Variants in NEDD4L observed in about 807,000 individuals in gnomAD.
NEDD4L encodes the protein E3 ubiquitin-protein ligase NEDD4-like.
Under a neutral mutation model 148.9 loss-of-function variants are expected in NEDD4L, and 54 were observed. The ratio of observed to expected loss-of-function variants is 0.36; its 90% CI spans 0.29 to 0.45. NEDD4L has a LOEUF of 0.45. Among genes scored for constraint, NEDD4L ranks in the 20% least tolerant of loss-of-function variants. The pLI, the probability that NEDD4L is intolerant of heterozygous loss-of-function variation, is 1.00. For synonymous variants in NEDD4L, 433 were observed against 440.7 expected (o/e 0.98, Z 0.22); for missense variants, 856 against 1,233.8 (o/e 0.69, Z 4.59).
intron 2 of NEDD4L, among the ~76,000 whole-genome samples, chr18:58,180,854 G>A (rs1188113408): frequency 6.6e-6 from 1 of 152,214 alleles, no homozygotes; most frequent in Non-Finnish European, 1.5e-5. Flanking sequence ...GAAGGCAGGT[G>A]TACAGCCTCT....
At chr18:58,161,008 T>TTTTC (rs2036134353) in intron 1 of NEDD4L, among the ~76,000 whole-genome samples, 1 of 151,316 alleles carries the variant, frequency 6.6e-6, no homozygotes, top group Non-Finnish European at 1.5e-5. Context: ...ATAGGGTTGT[T>TTTTC]TTTCTTTCTT....
chr18:58,094,863 A>C (rs17064340), intron 1 of NEDD4L, among the ~76,000 whole-genome samples: 14,871 of 150,978 alleles, frequency 0.098, 885 homozygotes, highest in Admixed American at 0.16. Context: ...GTAGGCTGTA[A>C]GGCTTGATTG....
chr18:58,348,326 CT>C (rs771263533), intron 16 of NEDD4L, among the ~76,000 whole-genome samples: 1,177 of 88,658 alleles, frequency 0.013, 2 homozygotes, highest in Non-Finnish European at 0.018. Context: ...TCTTTTTTTT[CT>C]TTTTTTTTTT....
At chr18:58,275,473 A>G (rs1027490957) in intron 5 of NEDD4L, among the ~76,000 whole-genome samples, 2 of 152,220 alleles carry the variant, frequency 1.3e-5, no homozygotes, top group African/African-American at 2.4e-5. Context: ...TTACTAGACC[A>G]AAAAAGAAAA....
At chr18:58,260,996 C>T (rs902097288) in intron 5 of NEDD4L, among the ~76,000 whole-genome samples, 13 of 152,194 alleles carry the variant, frequency 8.5e-5, no homozygotes, top group Non-Finnish European at 4.4e-5. Context: ...GTACCTGATT[C>T]GTGAACCAGG....
At chr18:58,347,512 C>G (rs1240134685) in intron 16 of NEDD4L, among the ~76,000 whole-genome samples, 2 of 152,114 alleles carry the variant, frequency 1.3e-5, no homozygotes. Flanking sequence ...TGTAGTTAAC[C>G]AGTCATGAAT....
At chr18:58,217,326 T>C (rs1326020583) in intron 2 of NEDD4L, among the ~76,000 whole-genome samples, 1 of 152,232 alleles carries the variant, frequency 6.6e-6, no homozygotes, top group Non-Finnish European at 1.5e-5. Flanking sequence ...CCCCTCCAAG[T>C]GTCCTAGTTT....
At chr18:58,126,408 C>G (rs1252068983) in intron 1 of NEDD4L, among the ~76,000 whole-genome samples, 1 of 152,138 alleles carries the variant, frequency 6.6e-6, no homozygotes, top group Non-Finnish European at 1.5e-5. Flanking sequence ...TGCTTGGGAC[C>G]CCTTTCACGT....
At chr18:58,069,145 A>C (rs921616866) in intron 1 of NEDD4L, among the ~76,000 whole-genome samples, 30 of 151,496 alleles carry the variant, frequency 2.0e-4, no homozygotes, top group Middle Eastern at 3.4e-3. Flanking sequence ...CCAAAAAAAA[A>C]AAAAAAAAAA....
chr18:58,143,246 A>G (rs923556398), intron 1 of NEDD4L, among the ~76,000 whole-genome samples: 4 of 152,232 alleles, frequency 2.6e-5, no homozygotes, highest in Non-Finnish European at 5.9e-5. Context: ...CTGAGGCTTA[A>G]TAATGTGCCC....
chr18:58,300,886 G>A (rs1347163968), intron 5 of NEDD4L, among the ~76,000 whole-genome samples: 1 of 152,190 alleles, frequency 6.6e-6, no homozygotes, highest in Non-Finnish European at 1.5e-5. Flanking sequence ...GATTATTAGA[G>A]AATTTTTTTC....
intron 5 of NEDD4L, among the ~76,000 whole-genome samples, chr18:58,272,361 C>T (rs1023010870): frequency 1.5e-4 from 23 of 152,096 alleles, no homozygotes; most frequent in Admixed American, 1.3e-4. Flanking sequence ...AAAGGCCAGG[C>T]GTAGTGACTC....
At position 58,252,001 on chromosome 18, in the gene NEDD4L, G is replaced by A. The variant is rs762094975; in HGVS notation, c.244G>A (p.Val82Ile). The A allele has an allele frequency of 1.3e-6, 2 of 1,543,642 alleles. No individual in the cohort carries two copies. The highest frequency in any genetic ancestry group is 1.7e-5 in the Admixed American group (1 of 59,906). Residue 82 changes from valine (V) to isoleucine (I), a missense_variant and splice_region_variant, in exon 5 of 31, where the codon GTA becomes ATA. This residue lies in a region of NEDD4L where 193 missense variants were observed against 244.2 expected (regional missense o/e 0.79). Coordinates refer to ENST00000400345, the MANE Select transcript of NEDD4L (RefSeq NM_001144967.3). ...PKWNEEFYFRVNPSNHRLLFE... is the reference protein window; with the variant it reads ...PKWNEEFYFRINPSNHRLLFE... ...AAAATACTATTTATGTTCCTTATAG[G>A]TAAACCCATCTAATCACAGACTCCT...
At chr18:58,340,855 C>T in intron 13 of NEDD4L, 183 bp from the exon 14 acceptor site, 1 of 611,872 alleles carries the variant, frequency 1.6e-6, no homozygotes, top group Non-Finnish European at 2.7e-6. Context: ...GTTCATTTCA[C>T]AGTAGATTTG....
At chr18:58,338,898 A>C (rs2042094024) in intron 13 of NEDD4L, among the ~76,000 whole-genome samples, 1 of 152,230 alleles carries the variant, frequency 6.6e-6, no homozygotes, top group Admixed American at 6.5e-5. Flanking sequence ...CCTGGGCGAC[A>C]GAGCAATACT....
At chr18:58,063,569 CTT>C (rs373856644) in intron 1 of NEDD4L, among the ~76,000 whole-genome samples, 1 of 140,396 alleles carries the variant, frequency 7.1e-6, no homozygotes, top group African/African-American at 2.6e-5. Context: ...GATAGTACAG[CTT>C]TTTTTTTTTT....
intron 1 of NEDD4L, among the ~76,000 whole-genome samples, chr18:58,056,907 TTTTG>T (rs1555677526): frequency 6.8e-6 from 1 of 148,058 alleles, no homozygotes; most frequent in African/African-American, 2.5e-5. Flanking sequence ...TTTTTTTTTT[TTTTG>T]TTTGTTTGTT....
chr18:58,386,341 G>A (rs568556023), intron 26 of NEDD4L, among the ~76,000 whole-genome samples: 76 of 152,288 alleles, frequency 5.0e-4, no homozygotes, highest in East Asian at 3.3e-3. Context: ...ATGAGCCGCC[G>A]CGCCCAGCCA....
chr18:58,154,435 G>A (rs2035199252), intron 1 of NEDD4L, among the ~76,000 whole-genome samples: 4 of 152,218 alleles, frequency 2.6e-5, no homozygotes, highest in Admixed American at 1.3e-4. Context: ...TTTGGACCCA[G>A]TGAAGCTCAG....
Sources: gnomAD v4.1 joint callset for allele counts (sites outside exome capture counted in the v4.1 genomes callset) on GRCh38, gnomAD v4.1.1 for gene constraint, gnomAD v4.1.1 regional missense constraint, MANE v1.5 for transcripts, NCBI Gene and HGNC (gene_info 2026-07-23, HGNC 2026-07-21) for gene names.